Variants in CMKLR2 observed in about 807,000 individuals in gnomAD.
CMKLR2 encodes the protein chemerin-like receptor 2.
In CMKLR2, 18 loss-of-function variants were observed where a neutral mutation model predicts 23.0. The observed-to-expected ratio is 0.78, with a 90% CI of 0.54 to 1.16. CMKLR2 has a LOEUF of 1.16. Among genes scored for constraint, CMKLR2 ranks in the 50% most tolerant of loss-of-function variants. The pLI is 0.00. For synonymous variants in CMKLR2, 158 were observed against 158.9 expected (o/e 0.99, Z 0.05); for missense variants, 401 against 412.7 (o/e 0.97, Z 0.25).
chr2:206,201,478 G>A (rs188299402), intron 1 of CMKLR2, among the ~76,000 whole-genome samples: 4 of 152,162 alleles, frequency 2.6e-5, no homozygotes, highest in South Asian at 2.1e-4. Context: ...GTACCCCAGC[G>A]GGGTCCCACA....
chr2:206,183,221 G>A (rs1688471536), intron 1 of CMKLR2, among the ~76,000 whole-genome samples: 1 of 152,072 alleles, frequency 6.6e-6, no homozygotes, highest in African/African-American at 2.4e-5. Flanking sequence ...CCCATGGGGT[G>A]GTCTGAATCA....
chr2:206,216,869 C>A (rs747162176), upstream of CMKLR2, among the ~76,000 whole-genome samples: 1 of 152,114 alleles, frequency 6.6e-6, no homozygotes, highest in Non-Finnish European at 1.5e-5. Context: ...CCCATCAACC[C>A]CATGAGAAAA....
chr2:206,190,716 A>G (rs375654992), intron 1 of CMKLR2, among the ~76,000 whole-genome samples: 86 of 152,336 alleles, frequency 5.6e-4, no homozygotes, highest in African/African-American at 2.0e-3. Context: ...ATTGGGAGAA[A>G]GAAAGAAAGT....
At chr2:206,216,470 CA>C (rs775669701), upstream of CMKLR2, among the ~76,000 whole-genome samples, 21 of 152,130 alleles carry the variant, frequency 1.4e-4, no homozygotes, top group Non-Finnish European at 2.5e-4. Context: ...AAAATAGAGA[CA>C]GGGTCTCACT....
At chr2:206,201,473 C>G (rs568389566) in intron 1 of CMKLR2, among the ~76,000 whole-genome samples, 4 of 152,072 alleles carry the variant, frequency 2.6e-5, no homozygotes, top group Non-Finnish European at 5.9e-5. Context: ...GTAGTGTACC[C>G]CAGCGGGGTC....
intron 1 of CMKLR2, among the ~76,000 whole-genome samples, chr2:206,196,383 T>C (rs1049492201): frequency 2.1e-5 from 3 of 145,012 alleles, no homozygotes; most frequent in Non-Finnish European, 4.5e-5. Flanking sequence ...AAAAAATAAA[T>C]AAAAATAAAA....
intron 1 of CMKLR2, among the ~76,000 whole-genome samples, chr2:206,191,763 G>A (rs1192680890): frequency 6.6e-6 from 1 of 151,040 alleles, no homozygotes; most frequent in Non-Finnish European, 1.5e-5. Context: ...GACCTCCCAG[G>A]GCTCAAGCAA....
In CMKLR2 at chr2:206,205,236, T is replaced by C. The variant is rs527335875; in HGVS notation, c.-29+8071A>G. Among the ~76,000 whole-genome samples, 7 of 152,368 alleles carry C rather than the reference T, an allele frequency of 4.6e-5. No individual in the cohort carries two copies. The South Asian group carries it at 1.5e-3, about 32-fold the overall frequency. ...TCTATTTTCAAAAATCAATCTTTTA[T>C]TTATTTAAGGCTGAAAGATGTGTGC... On this transcript the variant is annotated intron_variant, in intron 1 of 1. Coordinates refer to ENST00000621141, the MANE Select transcript of CMKLR2 (RefSeq NM_001389445.1).
At chr2:206,211,262 T>G (rs972198085) in intron 1 of CMKLR2, among the ~76,000 whole-genome samples, 2 of 152,242 alleles carry the variant, frequency 1.3e-5, no homozygotes, top group African/African-American at 4.8e-5. Flanking sequence ...TGGTCTCCAC[T>G]GTATCCAGTT....
intron 1 of CMKLR2, among the ~76,000 whole-genome samples, chr2:206,184,085 T>C (rs569803863): frequency 6.6e-6 from 1 of 152,278 alleles, no homozygotes; most frequent in East Asian, 1.9e-4. Flanking sequence ...TTGCCTAGCT[T>C]CTTGTGGTTT....
intron 1 of CMKLR2, among the ~76,000 whole-genome samples, chr2:206,204,582 A>C (rs983482505): frequency 4.0e-5 from 6 of 151,658 alleles, no homozygotes; most frequent in Non-Finnish European, 7.4e-5. Context: ...TTTTTGAGAC[A>C]GAGTCTCGCT....
At chr2:206,194,177 G>T (rs1371487247) in intron 1 of CMKLR2, among the ~76,000 whole-genome samples, 3 of 152,166 alleles carry the variant, frequency 2.0e-5, no homozygotes, top group African/African-American at 7.2e-5. Flanking sequence ...GGGGAGGGAA[G>T]GGAAACTTGT....
chr2:206,191,807 C>A (rs897470589), intron 1 of CMKLR2, among the ~76,000 whole-genome samples: 1 of 150,458 alleles, frequency 6.6e-6, no homozygotes, highest in Non-Finnish European at 1.5e-5. Flanking sequence ...CAGCTGGGAC[C>A]ACAGAGGCAT....
chr2:206,189,919 A>G (rs1323236905), intron 1 of CMKLR2, among the ~76,000 whole-genome samples: 1 of 152,144 alleles, frequency 6.6e-6, no homozygotes, highest in Non-Finnish European at 1.5e-5. Context: ...TCAGTAGAGT[A>G]TTTTGTTGCC....
chr2:206,204,104 G>A (rs1325336693), intron 1 of CMKLR2, among the ~76,000 whole-genome samples: 3 of 152,142 alleles, frequency 2.0e-5, no homozygotes, highest in Admixed American at 2.0e-4. Context: ...TGTAATCCCA[G>A]CACTTTGGGA....
chr2:206,194,889 GACTACA>G (rs1688872102), intron 1 of CMKLR2, among the ~76,000 whole-genome samples: 13 of 151,808 alleles, frequency 8.6e-5, no homozygotes, highest in Non-Finnish European at 8.8e-5. Flanking sequence ...AAGTAGCTGG[GACTACA>G]GGCACCAGCC....
At chr2:206,194,231 AG>A (rs1286136940) in intron 1 of CMKLR2, among the ~76,000 whole-genome samples, 1 of 152,156 alleles carries the variant, frequency 6.6e-6, no homozygotes, top group Non-Finnish European at 1.5e-5. Context: ...CAGCAAAAGG[AG>A]GGGGAGGAGG....
In CMKLR2 at chr2:206,177,053, G is replaced by A; in HGVS notation, c.195C>T (p.Phe65=). Reference sequence around the variant, plus strand: ...GAGTGGTGACTGTCTTCTTCCACTTGAACCCCGTGAACCAAATGACGATGG... The same window carrying A: ...GAGTGGTGACTGTCTTCTTCCACTTAAACCCCGTGAACCAAATGACGATGG... ...GNAIVIWFTG[F]KWKKTVTTLW... Residue 65 remains phenylalanine (F), a synonymous_variant, in exon 2 of 2, where the codon TTC becomes TTT. Transcript: ENST00000621141. The A allele has an allele frequency of 1.2e-6, 2 of 1,614,142 alleles. No individual in the cohort carries two copies. Among genetic ancestry groups the A allele is most frequent in the Non-Finnish European group, 1.7e-6 (2 of 1,180,026 alleles).
upstream of CMKLR2, among the ~76,000 whole-genome samples, chr2:206,216,447 C>A (rs530236028): frequency 6.6e-6 from 1 of 152,258 alleles, no homozygotes; most frequent in South Asian, 2.1e-4. Flanking sequence ...GAGCAAGACT[C>A]CATCTCGAAA....
Sources: allele counts gnomAD v4.1 joint callset (sites outside exome capture counted in the v4.1 genomes callset), GRCh38; gene constraint gnomAD v4.1.1; transcripts MANE v1.5; gene names NCBI Gene and HGNC (gene_info 2026-07-23, HGNC 2026-07-21).